The following COL26A1 variants were observed in gnomAD, a reference collection of about 807,000 sequenced individuals.
COL26A1 encodes collagen type XXVI alpha 1 chain, also known as collagen alpha-1(XXVI) chain.
In COL26A1, 41 loss-of-function variants were observed where a neutral mutation model predicts 59.3. The observed-to-expected ratio is 0.69, with a 90% CI of 0.54 to 0.90. COL26A1 has a LOEUF of 0.90. Ranked by LOEUF, COL26A1 falls within the 40% of genes least tolerant of loss-of-function variation. COL26A1 has a pLI of 0.00. For synonymous variants in COL26A1, 266 were observed against 256.0 expected (o/e 1.04, Z -0.37); for missense variants, 612 against 602.3 (o/e 1.02, Z -0.17).
intron 5 of COL26A1, among the ~76,000 whole-genome samples, chr7:101,543,098 C>G (rs1190432851): frequency 6.6e-6 from 1 of 152,230 alleles, no homozygotes; most frequent in Non-Finnish European, 1.5e-5. Context: ...GCCCTCCCCA[C>G]CATACCACAG....
chr7:101,362,660 T>A (rs1790916608), upstream of COL26A1, among the ~76,000 whole-genome samples: 1 of 152,108 alleles, frequency 6.6e-6, no homozygotes, highest in African/African-American at 2.4e-5. Flanking sequence ...GTTTCAAAGG[T>A]TCTAAGGTGT....
Position 101,433,953 on chromosome 7 carries a change from C to T in COL26A1, c.282-13731C>T, listed in dbSNP as rs547394868. Among the ~76,000 whole-genome samples, 5 of 152,010 alleles carry T rather than the reference C, an allele frequency of 3.3e-5. No homozygotes were observed. The East Asian group carries it at 9.7e-4, about 29-fold the overall frequency. ...ACAATGTTCATTAAATGAATGCGTT[C>T]ATCTTCTTGTGAGATGAAAGGAAAA... is the stretch of plus-strand genomic sequence containing the variant. On this transcript the variant is annotated intron_variant, in intron 2 of 12. Coordinates refer to ENST00000313669, the MANE Select transcript of COL26A1 (RefSeq NM_001278563.3).
At chr7:101,492,905 A>G (rs1794496333) in intron 3 of COL26A1, among the ~76,000 whole-genome samples, 1 of 151,604 alleles carries the variant, frequency 6.6e-6, no homozygotes, top group South Asian at 2.1e-4. Context: ...ACGCCCAGCT[A>G]ATTTTTGATA....
At chr7:101,499,089 C>G (rs765597484) in intron 3 of COL26A1, among the ~76,000 whole-genome samples, 2 of 152,172 alleles carry the variant, frequency 1.3e-5, no homozygotes, top group Non-Finnish European at 2.9e-5. Context: ...TAGCCCATCC[C>G]GGGAAGGTCG....
intron 3 of COL26A1, among the ~76,000 whole-genome samples, chr7:101,499,515 C>A (rs538442318): frequency 6.6e-6 from 1 of 152,180 alleles, no homozygotes; most frequent in East Asian, 1.9e-4. Context: ...GAAACCCCGT[C>A]TCTACTAAAA....
intron 11 of COL26A1, among the ~76,000 whole-genome samples, chr7:101,553,628 G>T (rs573661818): frequency 1.3e-5 from 2 of 151,370 alleles, no homozygotes; most frequent in Non-Finnish European, 2.9e-5. Context: ...TTGGCCCTTG[G>T]GGGGGCTTCC....
At chr7:101,423,090 C>G (rs1792562566) in intron 2 of COL26A1, among the ~76,000 whole-genome samples, 3 of 151,966 alleles carry the variant, frequency 2.0e-5, no homozygotes, top group African/African-American at 4.8e-5. Flanking sequence ...CATGGAGAAA[C>G]CCTGTCTCCA....
chr7:101,453,153 G>C (rs1026105067), intron 3 of COL26A1, among the ~76,000 whole-genome samples: 12 of 152,192 alleles, frequency 7.9e-5, no homozygotes, highest in African/African-American at 2.9e-4. Flanking sequence ...GATCACTTGA[G>C]GTCAGGAGTT....
At chr7:101,467,843 G>A (rs937053148) in intron 3 of COL26A1, among the ~76,000 whole-genome samples, 1 of 152,106 alleles carries the variant, frequency 6.6e-6, no homozygotes, top group Admixed American at 6.6e-5. Context: ...CTCCAGCCTG[G>A]GTGACAGAGC....
At chr7:101,539,114 C>G in intron 4 of COL26A1, among the ~76,000 whole-genome samples, 1 of 152,332 alleles carries the variant, frequency 6.6e-6, no homozygotes, top group African/African-American at 2.4e-5. Flanking sequence ...TGACTCCTGC[C>G]TCCCTCAAGG....
chr7:101,466,576 G>T (rs1793761999), intron 3 of COL26A1, among the ~76,000 whole-genome samples: 1 of 152,102 alleles, frequency 6.6e-6, no homozygotes, highest in Non-Finnish European at 1.5e-5. Flanking sequence ...GTGTGCACCT[G>T]CTACTCAGGA....
intron 1 of COL26A1, among the ~76,000 whole-genome samples, chr7:101,379,586 A>C (rs971371905): frequency 6.6e-6 from 1 of 152,172 alleles, no homozygotes; most frequent in Non-Finnish European, 1.5e-5. Context: ...CTACATCATG[A>C]ATACAGGTTG....
chr7:101,417,869 G>A (rs1411796165), intron 1 of COL26A1, among the ~76,000 whole-genome samples: 1 of 151,864 alleles, frequency 6.6e-6, no homozygotes, highest in African/African-American at 2.4e-5. Flanking sequence ...CTACAGGTGT[G>A]TGCCACCAAG....
intron 8 of COL26A1, among the ~76,000 whole-genome samples, chr7:101,547,763 T>G (rs1408204229): frequency 1.3e-5 from 2 of 152,250 alleles, no homozygotes; most frequent in African/African-American, 4.8e-5. Context: ...ATTCATTCAT[T>G]TATTCATTCA....
intron 5 of COL26A1, among the ~76,000 whole-genome samples, chr7:101,542,431 G>A (rs998439952): frequency 6.6e-6 from 1 of 152,148 alleles, no homozygotes; most frequent in African/African-American, 2.4e-5. Flanking sequence ...TTCACACAAA[G>A]CTTGGAAGCC....
chr7:101,380,470 A>G lies in COL26A1; in HGVS notation c.158+17280A>G, dbSNP rs143549676. Among the ~76,000 whole-genome samples the G allele has an allele frequency of 5.4e-3, 815 of 151,894 alleles. 5 individuals carry two copies. The highest frequency in any genetic ancestry group is 0.019 in the African/African-American group (777 of 41,426). Reference sequence around the variant, plus strand: ...CTACCACGCCTGGCTAATTTTTTATATTTTAATAGAGACGAGGGTTTCACC... The same window carrying G: ...CTACCACGCCTGGCTAATTTTTTATGTTTTAATAGAGACGAGGGTTTCACC... On this transcript the variant is annotated intron_variant, in intron 1 of 12. Coordinates refer to ENST00000313669, the MANE Select transcript of COL26A1 (RefSeq NM_001278563.3).
chr7:101,444,575 C>T (rs1401158547), intron 2 of COL26A1, among the ~76,000 whole-genome samples: 1 of 152,008 alleles, frequency 6.6e-6, no homozygotes, highest in East Asian at 1.9e-4. Flanking sequence ...CCACCACACC[C>T]AGCTAATTTT....
At position 101,557,620 on chromosome 7, in the gene COL26A1, G is replaced by T. The variant is rs1016773165; in HGVS notation, c.*90G>T. 7.6e-7 allele frequency: 1 copy of T among 1,318,512 alleles called. No individual in the cohort carries two copies. The highest frequency in any genetic ancestry group is 2.3e-5 in the Admixed American group (1 of 43,674). 81.7% of individuals were successfully genotyped at this position (1,318,512 alleles called of 1,614,324 possible). ...CTGTTTCCTAAAGATGCCCCCAGGG[G>T]AACTGGGCTCCAGGCATGGATGATT... On this transcript the variant is annotated 3_prime_UTR_variant, in exon 13 of 13. Transcript: ENST00000313669.
chr7:101,509,879 C>G (rs1161147051), intron 3 of COL26A1, among the ~76,000 whole-genome samples: 2 of 151,948 alleles, frequency 1.3e-5, no homozygotes, highest in Non-Finnish European at 2.9e-5. Flanking sequence ...AGGTGTGCAC[C>G]ACCACGCACG....
Sources: gnomAD v4.1 joint callset for allele counts (sites outside exome capture counted in the v4.1 genomes callset) on GRCh38, gnomAD v4.1.1 for gene constraint, MANE v1.5 for transcripts, NCBI Gene and HGNC (gene_info 2026-07-23, HGNC 2026-07-21) for gene names.